MEST: variants seen among roughly 807,000 people sequenced by gnomAD.
MEST encodes the protein mesoderm specific transcript, also known as mesoderm-specific transcript homolog protein.
In MEST, 18 loss-of-function variants were observed where a neutral mutation model predicts 50.9. The ratio of observed to expected loss-of-function variants is 0.35; its 90% CI spans 0.24 to 0.52. The LOEUF (loss-of-function observed/expected upper bound fraction) is 0.52. MEST is among the 20% of genes least tolerant of loss of function. The pLI is 0.94. For synonymous variants in MEST, 130 were observed against 154.1 expected (o/e 0.84, Z 1.16); for missense variants, 282 against 425.3 (o/e 0.66, Z 2.96).
chr7:130,497,374 T>A lies in MEST; in HGVS notation c.261+139T>A. The A allele has an allele frequency of 1.1e-5, 6 of 564,514 alleles. No homozygotes were observed. In the South Asian group the frequency reaches 1.1e-4, roughly 11 times the overall value. 35.0% of individuals were successfully genotyped at this position (564,514 alleles called of 1,614,324 possible). On this transcript the variant is annotated intron_variant, in intron 3 of 11. Transcript: ENST00000223215. The surrounding 1 kb of genome is among the most constrained non-coding windows in gnomAD (Gnocchi z 4.0). Reference sequence around the variant, plus strand: ...GAGTTTGAGACCAGCCAGGCCAACATGGCAAAACCCCATCTCTACTAAAAG... The same window carrying A: ...GAGTTTGAGACCAGCCAGGCCAACAAGGCAAAACCCCATCTCTACTAAAAG...
At chr7:130,491,319 G>C (rs1798802356), upstream of MEST, 2 of 152,342 alleles carry the variant, frequency 1.3e-5, no homozygotes, top group Non-Finnish European at 1.5e-5. The surrounding 1 kb of genome is among the most constrained non-coding windows in gnomAD (Gnocchi z 6.8). Context: ...TGCAGCGAGC[G>C]GGGCTGCGAG....
intron 6 of MEST, 123 bp downstream of exon 6, chr7:130,498,600 T>C: frequency 1.1e-6 from 1 of 883,688 alleles, no homozygotes; most frequent in East Asian, 2.6e-5. Flanking sequence ...ATGGGATCTC[T>C]ACCTCTTCTG....
Position 130,497,689 on chromosome 7 carries a change from G to T in MEST, c.262-247G>T, listed in dbSNP as rs1345603473. On this transcript the variant is annotated intron_variant, in intron 3 of 11. Coordinates refer to ENST00000223215, the MANE Select transcript of MEST (RefSeq NM_002402.4). The surrounding 1 kb of genome is among the most constrained non-coding windows in gnomAD (Gnocchi z 4.0). ...TGAACTGTTCCTTATTTACTGAAGG[G>T]AATAAACAACTCCTTGGCACTCTGG... The T allele has an allele frequency of 9.2e-6, 5 of 545,734 alleles. No homozygotes were observed. Among genetic ancestry groups the T allele is most frequent in the Non-Finnish European group, 1.6e-5 (5 of 305,292 alleles). 33.8% of individuals were successfully genotyped at this position (545,734 alleles called of 1,614,324 possible).
upstream of MEST, among the ~76,000 whole-genome samples, chr7:130,491,897 C>T (rs1554435331): frequency 6.6e-6 from 1 of 152,066 alleles, no homozygotes; most frequent in African/African-American, 2.4e-5. The surrounding 1 kb of genome is among the most constrained non-coding windows in gnomAD (Gnocchi z 6.8). Context: ...CTCGACACCC[C>T]TGAAGGTGCC....
chr7:130,487,349 T>G (rs1013553466), upstream of MEST: 1 of 152,250 alleles, frequency 6.6e-6, no homozygotes, highest in Non-Finnish European at 1.5e-5. Flanking sequence ...CCTCTAGGTG[T>G]GGGATAGTGG....
chr7:130,489,266 A>T (rs1554434478), upstream of MEST: 1 of 152,246 alleles, frequency 6.6e-6, no homozygotes, highest in East Asian at 1.9e-4. Flanking sequence ...GAATGTGACA[A>T]GAATGTGTGA....
chr7:130,492,958 G>T lies in MEST; in HGVS notation c.26+619G>T, dbSNP rs1554435811. ...GGATAGGCCCCAGCATCGCCCTGGT[G>T]CGATGTAGGATTTTTAGAACCCCGG... On this transcript the variant is annotated intron_variant, in intron 1 of 11. Transcript: ENST00000223215. The surrounding 1 kb of genome is among the most constrained non-coding windows in gnomAD (Gnocchi z 7.6). Among the ~76,000 whole-genome samples, 2 of 152,100 alleles carry T rather than the reference G, an allele frequency of 1.3e-5. No homozygotes were observed. The highest frequency in any genetic ancestry group is 4.8e-5 in the African/African-American group (2 of 41,408).
Position 130,492,215 on chromosome 7 carries a change from G to A in MEST, c.-99G>A, listed in dbSNP as rs1302701936. 9.3e-6 allele frequency: 10 copies of A among 1,072,048 alleles called. No individual in the cohort carries two copies. In the African/African-American group the frequency reaches 1.7e-4, roughly 18 times the overall value. 66.4% of individuals were successfully genotyped at this position (1,072,048 alleles called of 1,614,324 possible). ...CCGCCCTGCGCGGGCTGTGGGCTGCGGGCTGCGCCCCCGCTGCTGGCCAGC... is the reference window on the plus strand; with the variant it reads ...CCGCCCTGCGCGGGCTGTGGGCTGCAGGCTGCGCCCCCGCTGCTGGCCAGC... On this transcript the variant is annotated 5_prime_UTR_variant, in exon 1 of 12. Coordinates refer to ENST00000223215, the MANE Select transcript of MEST (RefSeq NM_002402.4). This position sits in a 1 kb window ranked among gnomAD's most constrained non-coding sequence, Gnocchi z 7.6.
intron 1 of MEST, among the ~76,000 whole-genome samples, chr7:130,493,566 G>A (rs1450363806): frequency 6.6e-6 from 1 of 152,214 alleles, no homozygotes; most frequent in African/African-American, 2.4e-5. Context: ...GGAGTAAGAG[G>A]AGGAGGGTGT....
chr7:130,505,200 T>G lies in MEST; in HGVS notation c.*144T>G. 1 of 664,448 alleles carries G rather than the reference T, an allele frequency of 1.5e-6. No homozygotes were observed. Among genetic ancestry groups the G allele is most frequent in the East Asian group, 2.5e-5 (1 of 39,548 alleles). 41.2% of individuals were successfully genotyped at this position (664,448 alleles called of 1,614,324 possible). A position where few individuals can be genotyped will look rare whatever the true frequency, so the allele number is the denominator to read the frequency against. On this transcript the variant is annotated 3_prime_UTR_variant, in exon 12 of 12. Coordinates refer to ENST00000223215, the MANE Select transcript of MEST (RefSeq NM_002402.4). ...CCACTTTACTCAAATTGGTGAACAG[T>G]GTATAGGAAGAAGCCAGCAGGAGCT...
chr7:130,498,573 G>A, intron 6 of MEST, 96 bp downstream of exon 6: 10 of 1,154,552 alleles, frequency 8.7e-6, no homozygotes, highest in Non-Finnish European at 1.3e-5. Context: ...AATATTTCAA[G>A]TAGACATAAT....
upstream of MEST, chr7:130,488,762 A>G (rs7777703): frequency 0.11 from 17,066 of 152,184 alleles, 1,035 homozygotes; most frequent in Middle Eastern, 0.15. Context: ...ACACATTCCT[A>G]TTTGTCTCTG....
upstream of MEST, among the ~76,000 whole-genome samples, chr7:130,491,815 G>C (rs1275769936): frequency 1.3e-5 from 2 of 152,162 alleles, no homozygotes; most frequent in African/African-American, 4.8e-5. The surrounding 1 kb of genome is among the most constrained non-coding windows in gnomAD (Gnocchi z 6.8). Context: ...CATCAGGGGA[G>C]GGTTTCTGCA....
Position 130,492,380 on chromosome 7 carries a change from C to T in MEST, c.26+41C>T. 1 of 1,275,974 alleles carries T rather than the reference C, an allele frequency of 7.8e-7. No homozygotes were observed. The highest frequency in any genetic ancestry group is 9.9e-7 in the Non-Finnish European group (1 of 1,005,372). 79.0% of individuals were successfully genotyped at this position (1,275,974 alleles called of 1,614,324 possible). On this transcript the variant is annotated intron_variant, in intron 1 of 11. Transcript: ENST00000223215. The surrounding 1 kb of genome is among the most constrained non-coding windows in gnomAD (Gnocchi z 7.6). ...GAACGAGGGGGTGTGGCTGGCGGCC[C>T]TGGGACTAGGGCGCAGGCGAGCGGA...
Position 130,504,991 on chromosome 7 carries a change from T to C in MEST, c.943T>C (p.Tyr315His). ...VSILDDHISH[Y>H]PQLEDPMGFL... is the part of the protein sequence containing the mutation. ...GATTCTGGATGACCACATTAGCCAC[T>C]ATCCACAGCTAGAGGATCCCATGGG... The change falls in exon 12 of 12, where the codon TAT (tyrosine) becomes CAT (histidine). Residue 315 changes from tyrosine to histidine, a missense_variant. Physicochemically the swap from Tyr to His is moderately conservative, Grantham distance 83 (BLOSUM62 2). Transcript: ENST00000223215. 1 of 1,613,898 alleles carries C rather than the reference T, an allele frequency of 6.2e-7. No homozygotes were observed.
Position 130,497,355 on chromosome 7 carries a change from G to A in MEST, c.261+120G>A. 1.4e-6 allele frequency: 1 copy of A among 711,240 alleles called. No individual in the cohort carries two copies. The highest frequency in any genetic ancestry group is 2.3e-6 in the Non-Finnish European group (1 of 441,966). The allele number at this position is 711,240 out of a possible 1,614,324, so 44.1% of individuals were successfully genotyped here. ...GAGGATGACCTGAGGTCAGGAGTTT[G>A]AGACCAGCCAGGCCAACATGGCAAA... is the stretch of plus-strand genomic sequence containing the variant. On this transcript the variant is annotated intron_variant, in intron 3 of 11. Coordinates refer to ENST00000223215, the MANE Select transcript of MEST (RefSeq NM_002402.4). The surrounding 1 kb of genome is among the most constrained non-coding windows in gnomAD (Gnocchi z 4.0).
In MEST at chr7:130,500,717, C is replaced by T; in HGVS notation, c.648-72C>T. 2 of 1,364,600 alleles carry T rather than the reference C, an allele frequency of 1.5e-6. No homozygotes were observed. The highest frequency in any genetic ancestry group is 4.1e-5 in the Admixed American group (2 of 49,036). 84.5% of individuals were successfully genotyped at this position (1,364,600 alleles called of 1,614,324 possible). A position where few individuals can be genotyped will look rare whatever the true frequency, so the allele number is the denominator to read the frequency against. ...CTGCATGGCCCAGACTGCATGGCCT[C>T]TGAGGTTCCAGCCATATTGAACATT... On this transcript the variant is annotated intron_variant, in intron 8 of 11. Transcript: ENST00000223215. The surrounding 1 kb of genome is among the most constrained non-coding windows in gnomAD (Gnocchi z 5.0).
intron 1 of MEST, among the ~76,000 whole-genome samples, chr7:130,493,665 C>A (rs972329177): frequency 3.3e-5 from 5 of 152,148 alleles, no homozygotes; most frequent in Non-Finnish European, 7.4e-5. Context: ...GGGAAGCCTC[C>A]CCATTTGCCG....
chr7:130,501,292 T>C (rs1799269169), intron 9 of MEST, among the ~76,000 whole-genome samples: 2 of 152,296 alleles, frequency 1.3e-5, no homozygotes, highest in South Asian at 4.1e-4. Flanking sequence ...TGGTGATAGC[T>C]GTAACTACTT....
Sources: allele counts gnomAD v4.1 joint callset (sites outside exome capture counted in the v4.1 genomes callset), GRCh38; gene constraint gnomAD v4.1.1; non-coding constraint Gnocchi (gnomAD v3.1); transcripts MANE v1.5; gene names NCBI Gene and HGNC (gene_info 2026-07-23, HGNC 2026-07-21).